SLC39A9: variants seen among roughly 807,000 people sequenced by gnomAD.
The protein encoded by SLC39A9 is solute carrier family 39 member 9.
Under a neutral mutation model 28.4 loss-of-function variants are expected in SLC39A9, and 14 were observed. That is an observed-to-expected ratio of 0.49 (90% confidence interval 0.33 to 0.77). SLC39A9 has a LOEUF of 0.77. Among genes scored for constraint, SLC39A9 ranks in the 30% least tolerant of loss-of-function variants. SLC39A9 has a pLI of 0.02. For missense variants in SLC39A9, 283 were observed against 381.1 expected (o/e 0.74, Z 2.14); for synonymous variants, 119 against 149.6 (o/e 0.80, Z 1.49).
chr14:69,460,157 G>C lies in SLC39A9; in HGVS notation c.*1564G>C. The C allele has an allele frequency of 1.0e-6, 1 of 985,562 alleles. No homozygotes were observed. Among genetic ancestry groups the C allele is most frequent in the African/African-American group, 1.7e-5 (1 of 57,270 alleles). The allele number at this position is 985,562 out of a possible 1,614,324, so 61.1% of individuals were successfully genotyped here. A position where few individuals can be genotyped will look rare whatever the true frequency, so the allele number is the denominator to read the frequency against. ...CCATTTCAAAACACATTACACTAAG[G>C]GGGAACCAAGACTAGTTTCTTCAGG... On this transcript the variant is annotated 3_prime_UTR_variant, in exon 7 of 7. Transcript: ENST00000336643.
chr14:69,436,515 A>C (rs1296367986), intron 2 of SLC39A9, among the ~76,000 whole-genome samples: 4 of 152,178 alleles, frequency 2.6e-5, no homozygotes, highest in Admixed American at 2.6e-4. Context: ...TTTAGCAGGA[A>C]GTTAACCTAT....
chr14:69,450,388 A>G (rs1885548116), intron 3 of SLC39A9, among the ~76,000 whole-genome samples: 2 of 152,192 alleles, frequency 1.3e-5, no homozygotes, highest in African/African-American at 4.8e-5. Flanking sequence ...CATGTTAAAT[A>G]TGTGAAATAA....
Position 69,461,337 on chromosome 14 carries a change from A to G in SLC39A9, c.*2744A>G. 9.3e-7 allele frequency: 1 copy of G among 1,080,898 alleles called. No individual in the cohort carries two copies. Among genetic ancestry groups the G allele is most frequent in the South Asian group, 3.2e-5 (1 of 31,486 alleles). 67.0% of individuals were successfully genotyped at this position (1,080,898 alleles called of 1,614,324 possible). A position where few individuals can be genotyped will look rare whatever the true frequency, so the allele number is the denominator to read the frequency against. On this transcript the variant is annotated 3_prime_UTR_variant, in exon 7 of 7. Transcript: ENST00000336643. ...CATTCCCCTCACTTATTCTCCAGTTAATTGCTTGTCAGTTCCATTTCAAGA... is the reference window on the plus strand; with the variant it reads ...CATTCCCCTCACTTATTCTCCAGTTGATTGCTTGTCAGTTCCATTTCAAGA...
At chr14:69,417,097 G>C (rs1363795782) in intron 1 of SLC39A9, among the ~76,000 whole-genome samples, 1 of 152,060 alleles carries the variant, frequency 6.6e-6, no homozygotes, top group Non-Finnish European at 1.5e-5. Flanking sequence ...GGGTTTTTAT[G>C]GTTTTAGGTG....
At chr14:69,406,022 T>C (rs979321221) in intron 1 of SLC39A9, among the ~76,000 whole-genome samples, 2 of 152,236 alleles carry the variant, frequency 1.3e-5, no homozygotes, top group African/African-American at 4.8e-5. Flanking sequence ...TTTTGATTCC[T>C]GTTGCCAAAT....
chr14:69,447,798 A>G (rs1257828766), intron 3 of SLC39A9, among the ~76,000 whole-genome samples: 1 of 151,866 alleles, frequency 6.6e-6, no homozygotes, highest in Non-Finnish European at 1.5e-5. Context: ...TTGTACTCCC[A>G]GCTACTTAGG....
intron 1 of SLC39A9, among the ~76,000 whole-genome samples, chr14:69,411,761 C>CT: frequency 6.6e-6 from 1 of 151,408 alleles, no homozygotes; most frequent in South Asian, 2.1e-4. Context: ...CAGATTGAGT[C>CT]TAAAATGATC....
At chr14:69,411,007 T>C (rs1344493570) in intron 1 of SLC39A9, among the ~76,000 whole-genome samples, 1 of 151,684 alleles carries the variant, frequency 6.6e-6, no homozygotes, top group Non-Finnish European at 1.5e-5. Flanking sequence ...AGGTCAGGAG[T>C]TTGAGACCTG....
chr14:69,443,259 A>G (rs1220381043), intron 3 of SLC39A9, among the ~76,000 whole-genome samples: 1 of 152,234 alleles, frequency 6.6e-6, no homozygotes, highest in Non-Finnish European at 1.5e-5. Context: ...CAGATAGGAA[A>G]TATTGGAAAG....
rs116745315 is a variant in SLC39A9 at position 69,458,796 on chromosome 14, A to G, written c.*203A>G. 109 of 1,332,072 alleles carry G rather than the reference A, an allele frequency of 8.2e-5. No homozygotes were observed. In the African/African-American group the frequency reaches 1.2e-3, roughly 15 times the overall value. 82.5% of individuals were successfully genotyped at this position (1,332,072 alleles called of 1,614,324 possible). The stretch of plus-strand genomic sequence containing the variant: ...AAACACATTTACGTTGCAGTTAGCT[A>G]TAGACATCCCATTGTGTTATCTTTT... On this transcript the variant is annotated 3_prime_UTR_variant, in exon 7 of 7. Coordinates refer to ENST00000336643, the MANE Select transcript of SLC39A9 (RefSeq NM_018375.5).
At position 69,442,193 on chromosome 14, in the gene SLC39A9, TTCCCTCGTTCTG is replaced by T. The variant is rs748638539; in HGVS notation, c.331_342del (p.Ser111_Leu114del). ...CACAGCTGCATGCCTATATTGGTGT[TTCCCTCGTTCTG>T]GGCTTCGTTTTCATGTTGCTGGTGG... is the stretch of plus-strand genomic sequence containing the variant. On this transcript the variant is annotated inframe_deletion, in exon 3 of 7. Transcript: ENST00000336643. 5.6e-6 allele frequency: 9 copies of T among 1,614,222 alleles called. No individual in the cohort carries two copies. The highest frequency in any genetic ancestry group is 7.6e-6 in the Non-Finnish European group (9 of 1,180,036).
intron 3 of SLC39A9, among the ~76,000 whole-genome samples, 166 bp from the exon 4 acceptor site, chr14:69,453,075 G>A (rs1006715414): frequency 8.5e-5 from 13 of 152,162 alleles, no homozygotes; most frequent in African/African-American, 3.1e-4. Flanking sequence ...GGTGGCTCAC[G>A]CCTATCATCT....
chr14:69,441,875 C>G (rs1326913918), intron 2 of SLC39A9, 194 bp from the exon 3 acceptor site: 2 of 1,370,162 alleles, frequency 1.5e-6, no homozygotes, highest in Non-Finnish European at 1.9e-6. Flanking sequence ...ATGCCAAAGG[C>G]AGAAGACATT....
intron 2 of SLC39A9, among the ~76,000 whole-genome samples, chr14:69,438,323 C>T (rs889572752): frequency 6.6e-6 from 1 of 152,102 alleles, no homozygotes; most frequent in Admixed American, 6.6e-5. Flanking sequence ...GCCTGACCCC[C>T]CTCTTTCTTT....
chr14:69,408,214 T>C (rs537331747), intron 1 of SLC39A9, among the ~76,000 whole-genome samples: 29 of 152,164 alleles, frequency 1.9e-4, no homozygotes, highest in African/African-American at 6.5e-4. Context: ...GGTTTTGCCA[T>C]GTTGGCCAGG....
At chr14:69,444,537 G>A (rs905602163) in intron 3 of SLC39A9, among the ~76,000 whole-genome samples, 1 of 152,140 alleles carries the variant, frequency 6.6e-6, no homozygotes, top group African/African-American at 2.4e-5. Context: ...GATAGAATAG[G>A]CACTCATATA....
chr14:69,456,482 C>T (rs1885869452), intron 6 of SLC39A9, among the ~76,000 whole-genome samples: 1 of 152,108 alleles, frequency 6.6e-6, no homozygotes, highest in Non-Finnish European at 1.5e-5. Context: ...CACGTTCCTC[C>T]TCTTCTCCCA....
intron 1 of SLC39A9, among the ~76,000 whole-genome samples, chr14:69,416,037 A>T (rs536945716): frequency 2.6e-5 from 4 of 152,124 alleles, no homozygotes; most frequent in African/African-American, 4.8e-5. Context: ...CGCCATTTAC[A>T]TTAGGTATTT....
At chr14:69,441,843 A>G (rs564290640) in intron 2 of SLC39A9, 18 of 1,294,452 alleles carry the variant, frequency 1.4e-5, no homozygotes, top group Admixed American at 3.7e-5. Flanking sequence ...TGTTGAGAAT[A>G]ATAGGCAGTC....
Sources: allele counts gnomAD v4.1 joint callset (sites outside exome capture counted in the v4.1 genomes callset), GRCh38; gene constraint gnomAD v4.1.1; transcripts MANE v1.5; gene names NCBI Gene and HGNC (gene_info 2026-07-23, HGNC 2026-07-21).